Variants in GPM6A observed in about 807,000 individuals in gnomAD.
GPM6A encodes the protein neuronal membrane glycoprotein M6-a.
In GPM6A, 7 loss-of-function variants were observed where a neutral mutation model predicts 32.1. That is an observed-to-expected ratio of 0.22 (90% CI 0.12 to 0.41). The LOEUF (loss-of-function observed/expected upper bound fraction) is 0.41, where lower values mean the gene tolerates loss of function less well. Among genes scored for constraint, GPM6A ranks in the 10% least tolerant of loss-of-function variants. The pLI is 1.00. For synonymous variants in GPM6A, 130 were observed against 123.4 expected (o/e 1.05, Z -0.35); for missense variants, 235 against 347.2 (o/e 0.68, Z 2.57).
At chr4:175,647,004 G>T (rs1741498029) in intron 4 of GPM6A, among the ~76,000 whole-genome samples, 1 of 152,206 alleles carries the variant, frequency 6.6e-6, no homozygotes, top group Non-Finnish European at 1.5e-5. Flanking sequence ...CTGGCTTTCT[G>T]TGTGGCGAGC....
At chr4:175,702,430 G>A (rs1230227456) in intron 1 of GPM6A, among the ~76,000 whole-genome samples, 3 of 152,098 alleles carry the variant, frequency 2.0e-5, no homozygotes, top group East Asian at 1.9e-4. Flanking sequence ...TTCTTTTTAC[G>A]TAAGTGTGTT....
At chr4:175,992,523 ATTGACTAG>A (rs906607794) in intron 1 of GPM6A, among the ~76,000 whole-genome samples, 2 of 152,186 alleles carry the variant, frequency 1.3e-5, no homozygotes, top group Admixed American at 1.3e-4. Context: ...CAATTGATTG[ATTGACTAG>A]TTTATAGGCA....
intron 1 of GPM6A, 80 bp downstream of exon 1, chr4:175,812,111 C>T: frequency 2.9e-6 from 3 of 1,050,570 alleles, no homozygotes; most frequent in Middle Eastern, 2.1e-4. Flanking sequence ...ATTCATTAGC[C>T]TTACTGGCAA....
intron 1 of GPM6A, among the ~76,000 whole-genome samples, chr4:175,861,839 A>T (rs997361575): frequency 6.6e-6 from 1 of 151,632 alleles, no homozygotes. Context: ...TATCCCTAAT[A>T]TAAATTTAAG....
intron 5 of GPM6A, 115 bp from the exon 6 acceptor site, chr4:175,640,309 G>A (rs1741066945): frequency 1.3e-6 from 1 of 782,824 alleles, no homozygotes; most frequent in Non-Finnish European, 2.2e-6. Flanking sequence ...AAGCGAGCCT[G>A]TGATAAATCA....
At chr4:175,820,573 T>C (rs938812304) in intron 1 of GPM6A, among the ~76,000 whole-genome samples, 5 of 146,550 alleles carry the variant, frequency 3.4e-5, no homozygotes, top group Admixed American at 2.1e-4. Context: ...CAATCTCTGC[T>C]CACTGCAACC....
At chr4:175,869,373 T>C (rs895323417) in intron 1 of GPM6A, among the ~76,000 whole-genome samples, 2 of 152,142 alleles carry the variant, frequency 1.3e-5, no homozygotes, top group African/African-American at 4.8e-5. Context: ...TGATTCTGTG[T>C]ATAGGACACA....
intron 1 of GPM6A, among the ~76,000 whole-genome samples, chr4:175,760,836 T>C (rs1732709756): frequency 6.6e-6 from 1 of 152,024 alleles, no homozygotes; most frequent in Admixed American, 6.6e-5. Flanking sequence ...GAGAAATGTT[T>C]GTCTGGGTAC....
chr4:175,637,207 TA>T (rs1191834685), intron 6 of GPM6A, among the ~76,000 whole-genome samples: 1 of 91,560 alleles, frequency 1.1e-5, no homozygotes, highest in African/African-American at 4.2e-5. Context: ...ATATGTGACA[TA>T]ATATATCATA....
At chr4:175,697,423 C>T (rs1744642370) in intron 2 of GPM6A, among the ~76,000 whole-genome samples, 2 of 152,168 alleles carry the variant, frequency 1.3e-5, no homozygotes, top group South Asian at 2.1e-4. Context: ...AAAATGTCCT[C>T]CTCATCACAT....
At chr4:175,917,240 T>A (rs780831523) in intron 1 of GPM6A, among the ~76,000 whole-genome samples, 1 of 152,074 alleles carries the variant, frequency 6.6e-6, no homozygotes, top group East Asian at 1.9e-4. Context: ...CCCTCCTCCC[T>A]CCACACAATC....
intron 1 of GPM6A, among the ~76,000 whole-genome samples, chr4:175,831,490 A>T (rs1042035697): frequency 1.3e-5 from 2 of 152,176 alleles, no homozygotes; most frequent in African/African-American, 4.8e-5. Flanking sequence ...ATTTCCTAGC[A>T]TGAAATTTAA....
chr4:175,904,928 T>C (rs28446991), intron 1 of GPM6A, among the ~76,000 whole-genome samples: 2,858 of 152,192 alleles, frequency 0.019, 75 homozygotes, highest in African/African-American at 0.065. Flanking sequence ...GAAAGGGAAA[T>C]TTTTTCCTCT....
At position 175,757,752 on chromosome 4, in the gene GPM6A, A is replaced by G. The variant is rs148737569; in HGVS notation, c.37+54439T>C. Among the ~76,000 whole-genome samples, 652 of 152,306 alleles carry G rather than the reference A, an allele frequency of 4.3e-3. 3 individuals carry two copies. Among genetic ancestry groups the G allele is most frequent in the Non-Finnish European group, 6.9e-3 (469 of 68,022 alleles). On this transcript the variant is annotated intron_variant, in intron 1 of 6. Coordinates refer to ENST00000393658, the MANE Select transcript of GPM6A (RefSeq NM_201591.3). ...TCTGAGAGAATCATATGCTCATTAG[A>G]AAGCATTACCACGAGACCAAAGAGA...
At chr4:175,887,744 TTTC>T (rs1160143477) in intron 1 of GPM6A, among the ~76,000 whole-genome samples, 4 of 151,838 alleles carry the variant, frequency 2.6e-5, no homozygotes, top group Non-Finnish European at 5.9e-5. Flanking sequence ...CTAAAAATAA[TTTC>T]TTAAGTTTGT....
chr4:175,701,911 G>A, intron 1 of GPM6A, 144 bp from the exon 2 acceptor site: 1 of 544,526 alleles, frequency 1.8e-6, no homozygotes. Context: ...GTGCATTGAA[G>A]GATACTAAGA....
chr4:175,758,332 T>C (rs1421486540), intron 1 of GPM6A, among the ~76,000 whole-genome samples: 1 of 152,182 alleles, frequency 6.6e-6, no homozygotes, highest in Admixed American at 6.6e-5. Context: ...AATCAAGGTA[T>C]TTTGCTTTCT....
chr4:175,670,156 T>C (rs528466833), intron 3 of GPM6A, among the ~76,000 whole-genome samples: 2 of 152,364 alleles, frequency 1.3e-5, no homozygotes, highest in Admixed American at 6.5e-5. Context: ...CCAAAAGTTA[T>C]TATTGTTTTA....
At chr4:175,877,111 T>C (rs1033372622) in intron 1 of GPM6A, among the ~76,000 whole-genome samples, 2 of 152,064 alleles carry the variant, frequency 1.3e-5, no homozygotes, top group African/African-American at 4.8e-5. Flanking sequence ...GGATGTCCAG[T>C]GGTGAGGTTC....
Sources: allele counts gnomAD v4.1 joint callset (sites outside exome capture counted in the v4.1 genomes callset), GRCh38; gene constraint gnomAD v4.1.1; transcripts MANE v1.5; gene names NCBI Gene and HGNC (gene_info 2026-07-23, HGNC 2026-07-21).